ANGPT2: variants seen among roughly 807,000 people sequenced by gnomAD.
ANGPT2 encodes the protein angiopoietin-2.
In ANGPT2, 28 loss-of-function variants were observed where a neutral mutation model predicts 62.9. The observed-to-expected ratio is 0.44, with a 90% CI of 0.33 to 0.61. The LOEUF (loss-of-function observed/expected upper bound fraction) is 0.61, where lower values mean the gene tolerates loss of function less well. Ranked by LOEUF, ANGPT2 falls within the 20% of genes least tolerant of loss-of-function variation. The pLI, the probability that ANGPT2 is intolerant of heterozygous loss-of-function variation, is 0.03. For synonymous variants in ANGPT2, 284 were observed against 207.8 expected (o/e 1.37, Z -3.15); for missense variants, 727 against 594.9 (o/e 1.22, Z -2.31).
intron 1 of ANGPT2, among the ~76,000 whole-genome samples, chr8:6,550,769 C>T (rs1468929885): frequency 6.6e-6 from 1 of 152,156 alleles, no homozygotes; most frequent in Non-Finnish European, 1.5e-5. Flanking sequence ...CCTCTCAGAG[C>T]TGGAGTTTCT....
intron 1 of ANGPT2, among the ~76,000 whole-genome samples, chr8:6,549,989 G>C (rs916080188): frequency 6.6e-6 from 1 of 152,244 alleles, no homozygotes; most frequent in African/African-American, 2.4e-5. Context: ...GGTTGGGGTT[G>C]GCTTTGCCCA....
At chr8:6,532,058 T>C (rs921193295) in intron 2 of ANGPT2, among the ~76,000 whole-genome samples, 2 of 152,244 alleles carry the variant, frequency 1.3e-5, no homozygotes, top group Non-Finnish European at 2.9e-5. Flanking sequence ...GTATTCATCT[T>C]GCAGTGGTTG....
At chr8:6,522,199 C>CA (rs1292610737) in intron 3 of ANGPT2, among the ~76,000 whole-genome samples, 6 of 151,870 alleles carry the variant, frequency 4.0e-5, no homozygotes, top group African/African-American at 9.7e-5. Context: ...ACTAAAAATA[C>CA]AAAAAATTCT....
chr8:6,523,066 T>C (rs2129569727), intron 3 of ANGPT2, among the ~76,000 whole-genome samples: 1 of 152,130 alleles, frequency 6.6e-6, no homozygotes, highest in Admixed American at 6.5e-5. Flanking sequence ...GGTGCCATCT[T>C]GGCTCACTGC....
chr8:6,512,671 C>T (rs904284496), intron 7 of ANGPT2, among the ~76,000 whole-genome samples: 4 of 152,306 alleles, frequency 2.6e-5, no homozygotes, highest in East Asian at 1.9e-4. Context: ...GTGGCTTCAC[C>T]GTACTTATCT....
Position 6,502,217 on chromosome 8 carries a change from T to G in ANGPT2, c.*884A>C, listed in dbSNP as rs1357609294. The G allele has an allele frequency of 6.6e-6, 1 of 152,138 alleles. No homozygotes were observed. The highest frequency in any genetic ancestry group is 1.9e-4 in the East Asian group (1 of 5,206). The allele number at this position is 152,138 out of a possible 1,614,324, so 9.4% of individuals were successfully genotyped here. Reference sequence around the variant, plus strand: ...CATCATTAAAAGTAAGAAGTTTCCTTATCACAAGGCACAATTAGGTCTTTT... The same window carrying G: ...CATCATTAAAAGTAAGAAGTTTCCTGATCACAAGGCACAATTAGGTCTTTT... On this transcript the variant is annotated 3_prime_UTR_variant, in exon 9 of 9. Transcript: ENST00000629816.
At chr8:6,527,521 T>A (rs1222697250) in intron 3 of ANGPT2, 34 bp downstream of exon 3, 47 of 1,605,918 alleles carry the variant, frequency 2.9e-5, no homozygotes, top group Non-Finnish European at 3.7e-5. Context: ...AAGTGTGCAG[T>A]CCTGAATTAT....
chr8:6,507,245 A>G (rs1813932281), intron 8 of ANGPT2, among the ~76,000 whole-genome samples: 1 of 152,240 alleles, frequency 6.6e-6, no homozygotes, highest in African/African-American at 2.4e-5. Flanking sequence ...TGGGTCATCC[A>G]TTTGTTTAAT....
intron 1 of ANGPT2, among the ~76,000 whole-genome samples, chr8:6,544,618 T>A (rs1043717840): frequency 2.0e-5 from 3 of 152,174 alleles, no homozygotes; most frequent in Non-Finnish European, 2.9e-5. Context: ...AGAACCGACA[T>A]GCACAACTTG....
intron 8 of ANGPT2, among the ~76,000 whole-genome samples, chr8:6,504,085 G>C (rs112503526): frequency 5.9e-5 from 9 of 151,506 alleles, no homozygotes; most frequent in Non-Finnish European, 1.2e-4. Flanking sequence ...TTGGGAGGCC[G>C]AGGTGGGTGG....
chr8:6,510,193 G>C (rs1383715356), intron 7 of ANGPT2, among the ~76,000 whole-genome samples: 1 of 150,406 alleles, frequency 6.6e-6, no homozygotes, highest in Admixed American at 6.6e-5. Flanking sequence ...CTATGCTCAA[G>C]AGTTTCTGCT....
intron 3 of ANGPT2, among the ~76,000 whole-genome samples, chr8:6,525,583 A>T (rs1314925386): frequency 6.6e-6 from 1 of 152,202 alleles, no homozygotes; most frequent in Non-Finnish European, 1.5e-5. Flanking sequence ...ATAAAAGATT[A>T]TTTAAAATGT....
Position 6,526,941 on chromosome 8 carries a change from C to A in ANGPT2, c.566+614G>T, listed in dbSNP as rs1269304528. On this transcript the variant is annotated intron_variant, in intron 3 of 8. Coordinates refer to ENST00000629816, the MANE Select transcript of ANGPT2 (RefSeq NM_001118887.2). ...TATTTTATTTAAATATTAATATAAT[C>A]ATGTTTAATATTTTTGGTTTTACTT... is the stretch of plus-strand genomic sequence containing the variant. Among the ~76,000 whole-genome samples, 5 of 152,000 alleles carry A rather than the reference C, an allele frequency of 3.3e-5. No individual in the cohort carries two copies. The South Asian group carries it at 8.3e-4, about 25-fold the overall frequency.
chr8:6,505,193 C>T (rs1813062543), intron 8 of ANGPT2, among the ~76,000 whole-genome samples: 1 of 126,186 alleles, frequency 7.9e-6, no homozygotes, highest in Non-Finnish European at 1.6e-5. Flanking sequence ...TATATATATT[C>T]TTATGTATAT....
chr8:6,534,718 A>C (rs1235460151), intron 1 of ANGPT2, among the ~76,000 whole-genome samples: 2 of 152,236 alleles, frequency 1.3e-5, no homozygotes, highest in East Asian at 3.8e-4. Flanking sequence ...AGGCTTCATA[A>C]AATGTGAAGA....
intron 7 of ANGPT2, among the ~76,000 whole-genome samples, 194 bp from the exon 8 acceptor site, chr8:6,509,256 G>C (rs1352479355): frequency 6.6e-6 from 1 of 152,190 alleles, no homozygotes; most frequent in African/African-American, 2.4e-5. Context: ...CTTCAGCAAA[G>C]AGGGATGTTT....
Position 6,563,158 on chromosome 8 carries a change from C to G in ANGPT2, c.-224G>C, listed in dbSNP as rs111553140. The G allele has an allele frequency of 4.6e-4, 196 of 429,498 alleles. No homozygotes were observed. The highest frequency in any genetic ancestry group is 7.0e-4 in the Non-Finnish European group (166 of 237,146). 26.6% of individuals were successfully genotyped at this position (429,498 alleles called of 1,614,324 possible). ...GTCAGATTGCAGTGGGAAGAACAGT[C>G]CTGCTCACTTGGGAGGGCTGTGTCA... On this transcript the variant is annotated 5_prime_UTR_variant, in exon 1 of 9. Coordinates refer to ENST00000629816, the MANE Select transcript of ANGPT2 (RefSeq NM_001118887.2).
rs73199084 is a variant in ANGPT2, at chr8:6,541,173, G to A, written c.289-8686C>T. 9.7e-3 allele frequency among the ~76,000 whole-genome samples: 1,482 copies of A among 152,310 alleles called. 10 individuals are homozygous for A. Among genetic ancestry groups the A allele is most frequent in the Non-Finnish European group, 0.016 (1,060 of 68,006 alleles). On this transcript the variant is annotated intron_variant, in intron 1 of 8. Coordinates refer to ENST00000629816, the MANE Select transcript of ANGPT2 (RefSeq NM_001118887.2). ...AAGTTGGGCCCAGAGGGTTAATTCC[G>A]AGCAGCACAAGAGGGTGAATTCTGA...
chr8:6,521,068 A>C (rs116560801), intron 4 of ANGPT2, 110 bp downstream of exon 4: 3 of 723,220 alleles, frequency 4.1e-6, no homozygotes, highest in African/African-American at 1.8e-5. Context: ...TTTCATATGA[A>C]ATATATGAGA....
Sources: gnomAD v4.1 joint callset for allele counts (sites outside exome capture counted in the v4.1 genomes callset) on GRCh38, gnomAD v4.1.1 for gene constraint, MANE v1.5 for transcripts, NCBI Gene and HGNC (gene_info 2026-07-23, HGNC 2026-07-21) for gene names.